The following HLF variants were observed in gnomAD, a reference collection of about 807,000 sequenced individuals.
HLF encodes hepatic leukemia factor.
In HLF, 3 loss-of-function variants were observed where a neutral mutation model predicts 22.6. The observed-to-expected ratio is 0.13, with a 90% CI of 0.06 to 0.34. The LOEUF (loss-of-function observed/expected upper bound fraction) is 0.34. Ranked by LOEUF, HLF falls within the 10% of genes least tolerant of loss-of-function variation. The probability of loss-of-function intolerance (pLI) is 1.00; values close to 1 mark genes in which losing one functional copy is unlikely to be tolerated. For synonymous variants in HLF, 151 were observed against 151.8 expected (o/e 0.99, Z 0.04); for missense variants, 299 against 389.2 (o/e 0.77, Z 1.95).
At chr17:55,284,552 A>G (rs891120677) in intron 2 of HLF, among the ~76,000 whole-genome samples, 4 of 152,138 alleles carry the variant, frequency 2.6e-5, no homozygotes, top group Non-Finnish European at 4.4e-5. Context: ...CTGCTCCATA[A>G]TTAGCTGGTG....
Position 55,267,928 on chromosome 17 carries a change from C to T in HLF, c.293C>T (p.Pro98Leu). ...GAGTTTTTGTCAGAAAATGGCATTC[C>T]CCCCAGCCCATCTCAGCATGACCAC... The part of the protein sequence containing the change: ...LEEFLSENGI[P>L]PSPSQHDHSP... The change falls in exon 2 of 4, where the codon CCC (proline) becomes CTC (leucine). Residue 98 changes from proline (P) to leucine (L), a missense_variant. Pro to Leu is a moderately conservative substitution (Grantham distance 98). Around this residue, in one of 3 missense-constraint regions of HLF, gnomAD observed 224 missense variants for 298.1 expected, o/e 0.75. Transcript: ENST00000226067. The T allele has an allele frequency of 6.2e-7, 1 of 1,614,048 alleles. No homozygotes were observed. The highest frequency in any genetic ancestry group is 1.1e-5 in the South Asian group (1 of 91,066).
chr17:55,280,002 C>T (rs1399660195), intron 2 of HLF, among the ~76,000 whole-genome samples: 1 of 152,218 alleles, frequency 6.6e-6, no homozygotes, highest in Non-Finnish European at 1.5e-5. Context: ...CATTTGTTCC[C>T]TCCATTGTAA....
intron 3 of HLF, 109 bp downstream of exon 3, chr17:55,315,556 C>T: frequency 2.6e-6 from 2 of 773,588 alleles, no homozygotes; most frequent in African/African-American, 1.7e-5. Context: ...TGAAGGATTT[C>T]TGATTTCTGA....
At chr17:55,271,115 T>C (rs896179515) in intron 2 of HLF, among the ~76,000 whole-genome samples, 1 of 152,110 alleles carries the variant, frequency 6.6e-6, no homozygotes, top group Non-Finnish European at 1.5e-5. Flanking sequence ...GAACCACTGG[T>C]CTAGAACTTC....
Position 55,322,477 on chromosome 17 carries a change from T to C in HLF, c.*1598T>C, listed in dbSNP as rs1035606443. ...CAATGTTGTACAGAGAAGAAGTGCT[T>C]GGGGGTTTTTGAAGTCTTTAATATT... On this transcript the variant is annotated 3_prime_UTR_variant, in exon 4 of 4. Coordinates refer to ENST00000226067, the MANE Select transcript of HLF (RefSeq NM_002126.5). 2 of 208,046 alleles carry C rather than the reference T, an allele frequency of 9.6e-6. No individual in the cohort carries two copies. The highest frequency in any genetic ancestry group is 9.8e-6 in the Non-Finnish European group (1 of 102,086). The allele number at this position is 208,046 out of a possible 1,614,324, so 12.9% of individuals were successfully genotyped here.
chr17:55,290,295 T>C (rs1487543224), intron 2 of HLF, among the ~76,000 whole-genome samples: 3 of 152,226 alleles, frequency 2.0e-5, no homozygotes, highest in Non-Finnish European at 2.9e-5. Context: ...TATTACACTT[T>C]GCCGATAGTG....
At chr17:55,294,749 T>C (rs1221786594) in intron 2 of HLF, among the ~76,000 whole-genome samples, 1 of 152,160 alleles carries the variant, frequency 6.6e-6, no homozygotes, top group Non-Finnish European at 1.5e-5. Context: ...AGGCTCCCTT[T>C]CCATGCACTT....
chr17:55,276,377 A>G (rs967797405), intron 2 of HLF, among the ~76,000 whole-genome samples: 8 of 152,222 alleles, frequency 5.3e-5, no homozygotes, highest in African/African-American at 1.9e-4. Context: ...GAGGCCTCCA[A>G]TATCTGCTGA....
At position 55,265,432 on chromosome 17, in the gene HLF, G is replaced by GTTGT. The variant is rs2145285178; in HGVS notation, c.-50_-47dup. 20 of 615,880 alleles carry GTTGT rather than the reference G, an allele frequency of 3.2e-5. No individual in the cohort carries two copies. Among genetic ancestry groups the GTTGT allele is most frequent in the African/African-American group, 3.5e-5 (1 of 28,874 alleles). The allele number at this position is 615,880 out of a possible 1,614,324, so 38.2% of individuals were successfully genotyped here. On this transcript the variant is annotated 5_prime_UTR_variant, in exon 1 of 4. Coordinates refer to ENST00000226067, the MANE Select transcript of HLF (RefSeq NM_002126.5). Reference sequence around the variant, plus strand: ...AAGCTCAGCAACATTTTAGGGGGCGGTTGTTTCTTTCTTATTTCTTTTTTT... The same window carrying GTTGT: ...AAGCTCAGCAACATTTTAGGGGGCGGTTGTTTGTTTCTTTCTTATTTCTTTTTTT...
chr17:55,315,909 G>A (rs1451027921), intron 3 of HLF, among the ~76,000 whole-genome samples: 1 of 152,228 alleles, frequency 6.6e-6, no homozygotes, highest in Non-Finnish European at 1.5e-5. Flanking sequence ...AACAGCCAGA[G>A]ATAGGACCTT....
In HLF at chr17:55,267,986, C is replaced by G. The variant is rs564621419; in HGVS notation, c.351C>G (p.Ser117=). ...SPHPPGLQPA[S]SAAPSVMDLS... ...ACCCTCCTGGGCTGCAGCCAGCTTCCTCGGCTGCCCCCTCGGTCATGGACC... is the reference window on the plus strand; with the variant it reads ...ACCCTCCTGGGCTGCAGCCAGCTTCGTCGGCTGCCCCCTCGGTCATGGACC... The change falls in exon 2 of 4, where the codon TCC becomes TCG. Residue 117 remains serine, a synonymous_variant. Coordinates refer to ENST00000226067, the MANE Select transcript of HLF (RefSeq NM_002126.5). 5 of 1,614,016 alleles carry G rather than the reference C, an allele frequency of 3.1e-6. No homozygotes were observed. The African/African-American group carries it at 5.3e-5, about 17-fold the overall frequency.
intron 2 of HLF, among the ~76,000 whole-genome samples, chr17:55,291,405 A>G (rs961220042): frequency 6.6e-6 from 1 of 152,212 alleles, no homozygotes; most frequent in Non-Finnish European, 1.5e-5. Context: ...TTTGAGAATT[A>G]TACTAAATCT....
chr17:55,297,988 TA>T (rs2081124915), intron 2 of HLF, among the ~76,000 whole-genome samples: 1 of 151,946 alleles, frequency 6.6e-6, no homozygotes, highest in African/African-American at 2.4e-5. Flanking sequence ...GACCTCAGGT[TA>T]TGTGCCTGCC....
At chr17:55,296,275 C>T (rs1287455474) in intron 2 of HLF, among the ~76,000 whole-genome samples, 3 of 152,078 alleles carry the variant, frequency 2.0e-5, no homozygotes, top group African/African-American at 7.2e-5. Flanking sequence ...ATGAGAATTA[C>T]CAGTGATTTT....
At chr17:55,308,562 T>G (rs1004228064) in intron 2 of HLF, among the ~76,000 whole-genome samples, 3 of 152,308 alleles carry the variant, frequency 2.0e-5, no homozygotes, top group Non-Finnish European at 2.9e-5. Flanking sequence ...GGGCATTTTT[T>G]GGGGGTCATT....
chr17:55,298,268 T>G (rs2081127499), intron 2 of HLF, among the ~76,000 whole-genome samples: 1 of 152,178 alleles, frequency 6.6e-6, no homozygotes, highest in Non-Finnish European at 1.5e-5. Context: ...TTCAGAGATG[T>G]TGGAATATTC....
At chr17:55,270,211 G>A (rs558321893) in intron 2 of HLF, among the ~76,000 whole-genome samples, 2 of 152,282 alleles carry the variant, frequency 1.3e-5, no homozygotes, top group East Asian at 3.9e-4. Flanking sequence ...GGAACACTGA[G>A]GGTCTAGAAA....
At chr17:55,280,787 T>C (rs2080947179) in intron 2 of HLF, among the ~76,000 whole-genome samples, 1 of 152,172 alleles carries the variant, frequency 6.6e-6, no homozygotes, top group South Asian at 2.1e-4. Context: ...CTCCTTTCTC[T>C]GTACCAGAGG....
intron 2 of HLF, among the ~76,000 whole-genome samples, chr17:55,290,719 CT>C (rs978330263): frequency 6.6e-6 from 1 of 152,132 alleles, no homozygotes; most frequent in African/African-American, 2.4e-5. Flanking sequence ...AGGTCTCTCA[CT>C]TTAAGTCAAA....
Sources: gnomAD v4.1 joint callset for allele counts (sites outside exome capture counted in the v4.1 genomes callset) on GRCh38, gnomAD v4.1.1 for gene constraint, gnomAD v4.1.1 regional missense constraint, MANE v1.5 for transcripts, NCBI Gene and HGNC (gene_info 2026-07-23, HGNC 2026-07-21) for gene names.